Variants in DPP10 observed in about 807,000 individuals in gnomAD.
DPP10 encodes dipeptidyl peptidase like 10, also known as inactive dipeptidyl peptidase 10.
Under a neutral mutation model 120.9 loss-of-function variants are expected in DPP10, and 33 were observed. The observed-to-expected ratio is 0.27, with a 90% CI of 0.21 to 0.37. The LOEUF is 0.37. DPP10 is among the 10% of genes least tolerant of loss of function. The pLI, the probability that DPP10 is intolerant of heterozygous loss-of-function variation, is 1.00. For missense variants in DPP10, 816 were observed against 942.8 expected, an observed-to-expected ratio of 0.87 and a Z score of 1.76; for synonymous variants, 337 against 326.1, an observed-to-expected ratio of 1.03 and a Z score of -0.36.
At chr2:115,410,536 G>A (rs1224673815) in intron 3 of DPP10, among the ~76,000 whole-genome samples, 2 of 152,184 alleles carry the variant, frequency 1.3e-5, no homozygotes, top group Non-Finnish European at 2.9e-5. Context: ...TGAATACCTA[G>A]ATGATGAGTT....
chr2:114,993,814 T>C (rs1270262395), intron 1 of DPP10, among the ~76,000 whole-genome samples: 1 of 152,026 alleles, frequency 6.6e-6, no homozygotes, highest in Non-Finnish European at 1.5e-5. Flanking sequence ...CGAGTCTACA[T>C]GTTTGAATAG....
At chr2:115,453,895 T>C (rs1416356763) in intron 3 of DPP10, among the ~76,000 whole-genome samples, 8 of 151,264 alleles carry the variant, frequency 5.3e-5, no homozygotes, top group African/African-American at 1.7e-4. Context: ...TTACCAAGAC[T>C]GACAATGAAA....
At chr2:115,331,981 A>G (rs986712910) in intron 2 of DPP10, among the ~76,000 whole-genome samples, 1 of 152,128 alleles carries the variant, frequency 6.6e-6, no homozygotes, top group Non-Finnish European at 1.5e-5. Flanking sequence ...GTTGATTGGA[A>G]TAGTTTCAGA....
At chr2:115,740,616 A>T (rs1677135084) in intron 9 of DPP10, among the ~76,000 whole-genome samples, 1 of 152,236 alleles carries the variant, frequency 6.6e-6, no homozygotes, top group South Asian at 2.1e-4. Context: ...CATCAGGTGA[A>T]GAAATATGGC....
At chr2:114,771,397 C>T (rs1230978029) in intron 1 of DPP10, among the ~76,000 whole-genome samples, 2 of 152,158 alleles carry the variant, frequency 1.3e-5, no homozygotes, top group Non-Finnish European at 2.9e-5. Flanking sequence ...GAACATCCCT[C>T]GTTGTTTTAC....
intron 1 of DPP10, among the ~76,000 whole-genome samples, chr2:114,455,667 G>C (rs914507977): frequency 1.3e-5 from 2 of 151,198 alleles, no homozygotes; most frequent in Non-Finnish European, 2.9e-5. Context: ...TCCATAATAA[G>C]AAGAAAATAT....
At chr2:114,660,219 C>A (rs1319344051) in intron 1 of DPP10, among the ~76,000 whole-genome samples, 1 of 152,152 alleles carries the variant, frequency 6.6e-6, no homozygotes, top group Non-Finnish European at 1.5e-5. Context: ...CTCCAATAAA[C>A]AGATGTGTAC....
At chr2:115,456,058 A>C (rs575633358) in intron 3 of DPP10, among the ~76,000 whole-genome samples, 2 of 152,292 alleles carry the variant, frequency 1.3e-5, no homozygotes, top group Admixed American at 6.5e-5. Flanking sequence ...AAATTTTTGC[A>C]ATCTATCCAT....
intron 1 of DPP10, among the ~76,000 whole-genome samples, chr2:114,788,561 G>T (rs1022242173): frequency 2.6e-5 from 4 of 151,852 alleles, no homozygotes; most frequent in Non-Finnish European, 4.4e-5. Flanking sequence ...GACTACAGGC[G>T]CCCACCACCA....
At chr2:114,744,084 A>G (rs111916846) in intron 1 of DPP10, among the ~76,000 whole-genome samples, 2 of 152,154 alleles carry the variant, frequency 1.3e-5, no homozygotes, top group Admixed American at 6.5e-5. Flanking sequence ...TTCTGATTAC[A>G]TGGAGGGATT....
In DPP10 at chr2:114,910,060, A is replaced by G. The variant is rs570911229; in HGVS notation, c.61-399179A>G. ...TATATTTATATATAGCTGTAGATAG[A>G]ATTAAGACTTTATGAAGAATAGAGA... On this transcript the variant is annotated intron_variant, in intron 1 of 25. Transcript: ENST00000410059. Among the ~76,000 whole-genome samples, 233 of 151,842 alleles carry G rather than the reference A, an allele frequency of 1.5e-3. 1 individual carries two copies. The highest frequency in any genetic ancestry group is 5.4e-3 in the African/African-American group (226 of 41,506).
intron 7 of DPP10, among the ~76,000 whole-genome samples, chr2:115,720,746 A>T (rs981276054): frequency 2.6e-5 from 4 of 152,188 alleles, no homozygotes; most frequent in Admixed American, 6.5e-5. Flanking sequence ...TCAAATTAAA[A>T]GACAAATATT....
chr2:115,503,909 T>C (rs1329292925), intron 4 of DPP10, among the ~76,000 whole-genome samples: 1 of 152,042 alleles, frequency 6.6e-6, no homozygotes, highest in Non-Finnish European at 1.5e-5. Flanking sequence ...CAACCAGAAA[T>C]GTCAGGAGTG....
intron 5 of DPP10, among the ~76,000 whole-genome samples, chr2:115,660,709 A>G (rs1189656515): frequency 1.6e-5 from 1 of 63,294 alleles, no homozygotes. Flanking sequence ...ATTGCATTGC[A>G]TGGATGTGTA....
intron 7 of DPP10, among the ~76,000 whole-genome samples, chr2:115,701,752 G>A (rs1265993230): frequency 1.3e-5 from 2 of 151,780 alleles, no homozygotes. Context: ...TTATATAGAG[G>A]GATTCTAAAA....
At chr2:115,101,958 T>C (rs1038740637) in intron 1 of DPP10, among the ~76,000 whole-genome samples, 1 of 152,228 alleles carries the variant, frequency 6.6e-6, no homozygotes, top group Non-Finnish European at 1.5e-5. Context: ...TTCTGACTAA[T>C]TATGAATAGG....
At chr2:114,791,296 G>T (rs1462630641) in intron 1 of DPP10, among the ~76,000 whole-genome samples, 1 of 152,170 alleles carries the variant, frequency 6.6e-6, no homozygotes, top group Non-Finnish European at 1.5e-5. Context: ...TTGGAGTCAG[G>T]TCAACTTTCA....
chr2:114,885,683 TC>T (rs1692012828), intron 1 of DPP10, among the ~76,000 whole-genome samples: 1 of 152,230 alleles, frequency 6.6e-6, no homozygotes. Flanking sequence ...CCTAGATGAT[TC>T]TAGTCACCTA....
intron 1 of DPP10, among the ~76,000 whole-genome samples, chr2:114,453,741 G>C (rs1366199827): frequency 6.6e-6 from 1 of 152,074 alleles, no homozygotes; most frequent in Non-Finnish European, 1.5e-5. Flanking sequence ...GAAATACCTT[G>C]ATCTTTGACT....
Sources: gnomAD v4.1 joint callset for allele counts (sites outside exome capture counted in the v4.1 genomes callset) on GRCh38, gnomAD v4.1.1 for gene constraint, MANE v1.5 for transcripts, NCBI Gene and HGNC (gene_info 2026-07-23, HGNC 2026-07-21) for gene names.